Variants in UVRAG observed in about 807,000 individuals in gnomAD.
UVRAG encodes UV radiation resistance-associated gene protein.
Under a neutral mutation model 78.0 loss-of-function variants are expected in UVRAG, and 19 were observed. The observed-to-expected ratio is 0.24, with a 90% CI of 0.17 to 0.36. UVRAG has a LOEUF of 0.36. Ranked by LOEUF, UVRAG falls within the 10% of genes least tolerant of loss-of-function variation. The pLI, the probability that UVRAG is intolerant of heterozygous loss-of-function variation, is 1.00. For synonymous variants in UVRAG, 323 were observed against 324.6 expected (o/e 1.00, Z 0.05); for missense variants, 740 against 853.8 (o/e 0.87, Z 1.66).
intron 6 of UVRAG, among the ~76,000 whole-genome samples, chr11:75,927,154 C>T (rs1005447027): frequency 2.6e-5 from 4 of 151,532 alleles, no homozygotes; most frequent in Non-Finnish European, 4.4e-5. Context: ...ACTGCAACCT[C>T]CGCCTCCCAG....
chr11:76,024,564 C>G (rs1950298054), intron 12 of UVRAG, among the ~76,000 whole-genome samples: 1 of 152,006 alleles, frequency 6.6e-6, no homozygotes, highest in South Asian at 2.1e-4. Context: ...ATGGGCATGT[C>G]ATATTATAAT....
chr11:76,133,389 C>T (rs1416126630), intron 14 of UVRAG, among the ~76,000 whole-genome samples: 1 of 152,060 alleles, frequency 6.6e-6, no homozygotes, highest in Non-Finnish European at 1.5e-5. Context: ...ACATTTTGGA[C>T]TGGTGCTTTC....
At chr11:76,086,057 T>C (rs1236262871) in intron 13 of UVRAG, among the ~76,000 whole-genome samples, 2 of 152,204 alleles carry the variant, frequency 1.3e-5, no homozygotes, top group East Asian at 3.8e-4. Flanking sequence ...AGCAGATAGC[T>C]GACTAACTGA....
chr11:76,095,555 A>G (rs544944262), intron 13 of UVRAG, among the ~76,000 whole-genome samples: 2 of 150,226 alleles, frequency 1.3e-5, no homozygotes, highest in East Asian at 3.9e-4. Flanking sequence ...TCATATATTC[A>G]TATATAAATA....
At chr11:75,874,046 AG>A (rs1946709221) in intron 3 of UVRAG, among the ~76,000 whole-genome samples, 1 of 152,178 alleles carries the variant, frequency 6.6e-6, no homozygotes, top group South Asian at 2.1e-4. Flanking sequence ...GTTTTGTCTC[AG>A]CTCTAGTCAG....
intron 5 of UVRAG, among the ~76,000 whole-genome samples, chr11:75,899,621 A>G (rs566780534): frequency 6.6e-6 from 1 of 152,222 alleles, no homozygotes; most frequent in African/African-American, 2.4e-5. Flanking sequence ...ATGCTGTATG[A>G]CATCTCCACA....
At chr11:75,971,424 T>C (rs1246873478) in intron 7 of UVRAG, among the ~76,000 whole-genome samples, 2 of 152,246 alleles carry the variant, frequency 1.3e-5, no homozygotes, top group Non-Finnish European at 2.9e-5. Flanking sequence ...TGCCAGACTC[T>C]GCCAAAGTGG....
intron 7 of UVRAG, among the ~76,000 whole-genome samples, chr11:75,981,273 G>A (rs987486021): frequency 8.6e-5 from 13 of 151,698 alleles, no homozygotes; most frequent in African/African-American, 2.9e-4. Context: ...TACCGTGCCC[G>A]GCTAATTTTT....
intron 12 of UVRAG, among the ~76,000 whole-genome samples, chr11:76,025,816 C>G (rs1048631676): frequency 2.0e-5 from 3 of 152,042 alleles, no homozygotes; most frequent in Non-Finnish European, 4.4e-5. Flanking sequence ...GGTCTAACAC[C>G]TTTTTTGTGA....
chr11:75,993,457 G>C (rs778188941), intron 8 of UVRAG, among the ~76,000 whole-genome samples: 4 of 152,036 alleles, frequency 2.6e-5, no homozygotes, highest in Admixed American at 2.0e-4. Context: ...TTCATTTCTG[G>C]AAGGTATTAG....
chr11:76,095,029 C>T (rs1565158661), intron 13 of UVRAG, among the ~76,000 whole-genome samples: 1 of 152,058 alleles, frequency 6.6e-6, no homozygotes, highest in South Asian at 2.1e-4. Flanking sequence ...ACTTAGTATG[C>T]GTATGTTCAC....
intron 13 of UVRAG, among the ~76,000 whole-genome samples, chr11:76,071,784 C>T (rs147599439): frequency 1.9e-3 from 285 of 151,846 alleles, no homozygotes; most frequent in African/African-American, 6.6e-3. Context: ...GTGGACTGAA[C>T]GTGGGAGATG....
intron 14 of UVRAG, among the ~76,000 whole-genome samples, chr11:76,130,266 A>G (rs933091969): frequency 6.6e-6 from 1 of 152,164 alleles, no homozygotes; most frequent in African/African-American, 2.4e-5. Flanking sequence ...CCTCTCCTGC[A>G]TAGCTTGGGT....
chr11:76,022,617 G>T (rs1950265974), intron 12 of UVRAG, among the ~76,000 whole-genome samples: 1 of 152,078 alleles, frequency 6.6e-6, no homozygotes, highest in African/African-American at 2.4e-5. Flanking sequence ...GTTACTATTT[G>T]CATGGACTGT....
intron 12 of UVRAG, among the ~76,000 whole-genome samples, chr11:76,054,345 G>A (rs1950937193): frequency 6.6e-6 from 1 of 152,086 alleles, no homozygotes; most frequent in African/African-American, 2.4e-5. Context: ...GGTTCAAACC[G>A]CTGTCTTCTC....
intron 7 of UVRAG, among the ~76,000 whole-genome samples, chr11:75,969,396 A>G (rs1236041489): frequency 6.6e-6 from 1 of 152,198 alleles, no homozygotes; most frequent in African/African-American, 2.4e-5. Context: ...ATTTATTGAT[A>G]GACACTGGGT....
chr11:76,047,849 A>G (rs1429932792), intron 12 of UVRAG, among the ~76,000 whole-genome samples: 4 of 152,354 alleles, frequency 2.6e-5, no homozygotes, highest in Non-Finnish European at 4.4e-5. Flanking sequence ...GTGTGTGTAC[A>G]TGTGTAACAT....
At chr11:76,116,904 C>T (rs953049275) in intron 14 of UVRAG, among the ~76,000 whole-genome samples, 5 of 152,146 alleles carry the variant, frequency 3.3e-5, no homozygotes, top group Non-Finnish European at 7.4e-5. Context: ...ATTTTCAAAA[C>T]GGCAAGTTCC....
chr11:75,994,117 C>G (rs1949662320), intron 8 of UVRAG, among the ~76,000 whole-genome samples: 2 of 152,170 alleles, frequency 1.3e-5, no homozygotes, highest in Admixed American at 6.5e-5. Context: ...CATACCATAT[C>G]ACTTATAAAC....
Sources: gnomAD v4.1 joint callset for allele counts (sites outside exome capture counted in the v4.1 genomes callset) on GRCh38, gnomAD v4.1.1 for gene constraint, MANE v1.5 for transcripts, NCBI Gene and HGNC (gene_info 2026-07-23, HGNC 2026-07-21) for gene names.